Variants in ENTREP2 observed in about 807,000 individuals in gnomAD.
ENTREP2 encodes protein ENTREP2.
At chr15:29,405,155 G>A in the ENTREP2 span, among the ~76,000 whole-genome samples, 6 of 152,112 alleles carry the variant, frequency 3.9e-5, no homozygotes, top group African/African-American at 1.2e-4. Flanking sequence ...TTGGGAGGCC[G>A]AGGCGGGCAG....
the ENTREP2 span, among the ~76,000 whole-genome samples, chr15:29,219,817 G>A: frequency 6.6e-6 from 1 of 151,290 alleles, no homozygotes; most frequent in Non-Finnish European, 1.5e-5. Flanking sequence ...TAAGCTATGA[G>A]GATGCAAAGG....
the ENTREP2 span, among the ~76,000 whole-genome samples, chr15:29,651,134 C>A: frequency 6.6e-6 from 1 of 152,186 alleles, no homozygotes; most frequent in Non-Finnish European, 1.5e-5. Flanking sequence ...CAGATTGTAA[C>A]CTTATGAATT....
At chr15:29,648,095 A>G in the ENTREP2 span, among the ~76,000 whole-genome samples, 1 of 152,086 alleles carries the variant, frequency 6.6e-6, no homozygotes, top group Non-Finnish European at 1.5e-5. Context: ...CCTGAACATC[A>G]TCATCATTTA....
At chr15:29,490,131 A>T in the ENTREP2 span, among the ~76,000 whole-genome samples, 2 of 152,196 alleles carry the variant, frequency 1.3e-5, no homozygotes, top group African/African-American at 4.8e-5. Flanking sequence ...CACTGACTTC[A>T]AGAATGAAGC....
the ENTREP2 span, among the ~76,000 whole-genome samples, chr15:29,119,785 C>G: frequency 2.0e-5 from 3 of 152,154 alleles, no homozygotes; most frequent in Non-Finnish European, 4.4e-5. Flanking sequence ...GAAATGTCGC[C>G]TGAGTCAAAG....
chr15:29,561,835 G>C, the ENTREP2 span, among the ~76,000 whole-genome samples: 1 of 152,118 alleles, frequency 6.6e-6, no homozygotes, highest in Non-Finnish European at 1.5e-5. Context: ...AGAGAGGTTT[G>C]ACCAGAAACA....
chr15:29,277,062 G>C, the ENTREP2 span, among the ~76,000 whole-genome samples: 2 of 152,130 alleles, frequency 1.3e-5, no homozygotes, highest in African/African-American at 4.8e-5. Context: ...AGTATATATG[G>C]GCCAGGCACA....
At chr15:29,151,934 T>A in the ENTREP2 span, 8 of 873,812 alleles carry the variant, frequency 9.2e-6, no homozygotes, top group Non-Finnish European at 1.3e-5. Flanking sequence ...TGAGCCGAGG[T>A]CGATGACCAT....
At chr15:29,259,811 C>CATATATATATATATATATAT in the ENTREP2 span, among the ~76,000 whole-genome samples, 2 of 149,318 alleles carry the variant, frequency 1.3e-5, no homozygotes, top group African/African-American at 5.0e-5. Flanking sequence ...ATCCCATTTA[C>CATATATATATATATATATAT]ATATATATAT....
the ENTREP2 span, among the ~76,000 whole-genome samples, chr15:29,419,929 C>T: frequency 1.3e-5 from 2 of 151,976 alleles, no homozygotes; most frequent in African/African-American, 4.8e-5. Context: ...GAAAAATGAC[C>T]TAGAGAAAAA....
chr15:29,652,835 G>A, the ENTREP2 span, among the ~76,000 whole-genome samples: 75 of 152,338 alleles, frequency 4.9e-4, no homozygotes, highest in African/African-American at 1.8e-3. Flanking sequence ...GCTCAACCTT[G>A]GCAGCCGTGG....
chr15:29,205,135 T>C, the ENTREP2 span, among the ~76,000 whole-genome samples: 1 of 152,234 alleles, frequency 6.6e-6, no homozygotes, highest in Admixed American at 6.5e-5. Flanking sequence ...ATCCATGTGG[T>C]AGCACGTGTC....
At chr15:29,212,376 T>G in the ENTREP2 span, among the ~76,000 whole-genome samples, 2,814 of 152,318 alleles carry the variant, frequency 0.018, 92 homozygotes, top group African/African-American at 0.064. Flanking sequence ...TCTTGTTTTC[T>G]TGGTTAATCT....
chr15:29,361,018 G>C, the ENTREP2 span, among the ~76,000 whole-genome samples: 1 of 152,134 alleles, frequency 6.6e-6, no homozygotes, highest in Non-Finnish European at 1.5e-5. Flanking sequence ...TCTACAGCTC[G>C]ATTTACTCCT....
chr15:29,194,981 C>G, the ENTREP2 span: 2 of 270,820 alleles, frequency 7.4e-6, no homozygotes, highest in Non-Finnish European at 1.1e-5. Flanking sequence ...GCAGAGTGAG[C>G]AACGGCTGCC....
the ENTREP2 span, among the ~76,000 whole-genome samples, chr15:29,257,025 A>G: frequency 2.0e-5 from 3 of 150,446 alleles, no homozygotes; most frequent in African/African-American, 7.3e-5. Context: ...GCACAGATGA[A>G]TCACAGTTTA....
chr15:29,383,180 C>T, the ENTREP2 span, among the ~76,000 whole-genome samples: 12 of 152,200 alleles, frequency 7.9e-5, no homozygotes, highest in South Asian at 2.1e-4. Flanking sequence ...GGTATCTGCA[C>T]AGGTGATTCT....
the ENTREP2 span, among the ~76,000 whole-genome samples, chr15:29,191,863 G>A: frequency 1.3e-5 from 2 of 152,282 alleles, no homozygotes; most frequent in East Asian, 3.9e-4. Flanking sequence ...GCAGTGAGCC[G>A]TGATCACGCC....
chr15:29,222,425 T>C, the ENTREP2 span, among the ~76,000 whole-genome samples: 4 of 152,172 alleles, frequency 2.6e-5, no homozygotes, highest in African/African-American at 7.2e-5. Flanking sequence ...CTTTATTCCT[T>C]TACTTAATAA....
Sources: allele counts gnomAD v4.1 joint callset (sites outside exome capture counted in the v4.1 genomes callset), GRCh38; gene constraint gnomAD v4.1.1; transcripts MANE v1.5; gene names NCBI Gene and HGNC (gene_info 2026-07-23, HGNC 2026-07-21).